Variants in MCMBP observed in about 807,000 individuals in gnomAD.
The protein encoded by MCMBP is minichromosome maintenance complex binding protein, also known as mini-chromosome maintenance complex-binding protein.
MCMBP carries 31 observed loss-of-function variants against 81.3 expected under a neutral mutation model. The observed-to-expected ratio is 0.38, with a 90% CI of 0.29 to 0.51. The LOEUF (loss-of-function observed/expected upper bound fraction) is 0.51. Ranked by LOEUF, MCMBP falls within the 20% of genes least tolerant of loss-of-function variation. The pLI, the probability that MCMBP is intolerant of heterozygous loss-of-function variation, is 0.87. For synonymous variants in MCMBP, 267 were observed against 275.9 expected, an observed-to-expected ratio of 0.97 and a Z score of 0.32; for missense variants, 645 against 772.1, an observed-to-expected ratio of 0.84 and a Z score of 1.95.
chr10:119,831,600 C>G lies in MCMBP; in HGVS notation c.1797G>C (p.Arg599=), dbSNP rs777318946. ...TCTGACCAGCACTGAGAGACAGACACCTGGTTTGAAACACAGAAACAAATT... is the reference window on the plus strand; with the variant it reads ...TCTGACCAGCACTGAGAGACAGACAGCTGGTTTGAAACACAGAAACAAATT... The part of the protein sequence containing the change: ...DDLHQLLVVA[R]CLSLSAGQTT... Residue 599 remains arginine, a splice_region_variant and synonymous_variant, in exon 16 of 16, where the codon CGG becomes CGC. Transcript: ENST00000369077. 1.9e-6 allele frequency: 3 copies of G among 1,611,020 alleles called. No individual in the cohort carries two copies. Among genetic ancestry groups the G allele is most frequent in the Admixed American group, 1.7e-5 (1 of 59,128 alleles).
chr10:119,837,735 G>A (rs767389547), intron 12 of MCMBP, among the ~76,000 whole-genome samples: 2 of 152,028 alleles, frequency 1.3e-5, no homozygotes, highest in African/African-American at 2.4e-5. Context: ...AGTGAGCCAA[G>A]ATTGGCCACT....
In MCMBP at chr10:119,857,363, G is replaced by C; in HGVS notation, c.404C>G (p.Pro135Arg). The C allele has an allele frequency of 6.2e-7, 1 of 1,609,830 alleles. No individual in the cohort carries two copies. The highest frequency in any genetic ancestry group is 8.5e-7 in the Non-Finnish European group (1 of 1,177,050). The change falls in exon 5 of 16, where the codon CCT (proline) becomes CGT (arginine). Residue 135 changes from proline (P) to arginine (R), a missense_variant. Transcript: ENST00000369077. ...ERQTFYCVPV[P>R]GESTWVKEAY... is the part of the protein sequence containing the mutation. ...TTCTTTTACCCACGTAGATTCCCCA[G>C]GCACCGGAACACAATAGAAAGTCTG...
chr10:119,838,503 C>T lies in MCMBP; in HGVS notation c.1408+32G>A, dbSNP rs527878655. 3.0e-5 allele frequency: 48 copies of T among 1,588,466 alleles called. No individual in the cohort carries two copies. The South Asian group carries it at 5.1e-4, about 17-fold the overall frequency. On this transcript the variant is annotated intron_variant, in intron 12 of 15. Coordinates refer to ENST00000369077, the MANE Select transcript of MCMBP (RefSeq NM_001256378.2). Reference sequence around the variant, plus strand: ...GATCTGGCTTTAGTGCGAAGGAAGTCAGAAATGGAAGAGAAACATCTATGT... The same window carrying T: ...GATCTGGCTTTAGTGCGAAGGAAGTTAGAAATGGAAGAGAAACATCTATGT...
intron 11 of MCMBP, among the ~76,000 whole-genome samples, chr10:119,839,346 T>G (rs1265635725): frequency 6.6e-6 from 1 of 152,164 alleles, no homozygotes; most frequent in African/African-American, 2.4e-5. Context: ...CAATCCATTC[T>G]TCCATCCCTC....
chr10:119,863,710 CAG>C (rs1853344546), intron 1 of MCMBP, among the ~76,000 whole-genome samples: 1 of 112,488 alleles, frequency 8.9e-6, no homozygotes, highest in African/African-American at 3.6e-5. Flanking sequence ...GCCTGGGAGA[CAG>C]AGTGAGGCTC....
At position 119,831,228 on chromosome 10, in the gene MCMBP, T is replaced by C. The variant is rs1852021306; in HGVS notation, c.*246A>G. The C allele has an allele frequency of 4.1e-6, 1 of 246,004 alleles. No individual in the cohort carries two copies. The highest frequency in any genetic ancestry group is 7.6e-6 in the Non-Finnish European group (1 of 130,760). The allele number at this position is 246,004 out of a possible 1,614,324, so 15.2% of individuals were successfully genotyped here. A position where few individuals can be genotyped will look rare whatever the true frequency, so the allele number is the denominator to read the frequency against. ...ATATTAAACTTTTAATATCAAATACTTTTTTTACATCATTACTAATTTATA... is the reference window on the plus strand; with the variant it reads ...ATATTAAACTTTTAATATCAAATACCTTTTTTACATCATTACTAATTTATA... On this transcript the variant is annotated 3_prime_UTR_variant, in exon 16 of 16. Coordinates refer to ENST00000369077, the MANE Select transcript of MCMBP (RefSeq NM_001256378.2).
intron 7 of MCMBP, among the ~76,000 whole-genome samples, chr10:119,848,074 A>G (rs886875073): frequency 5.9e-5 from 9 of 152,170 alleles, no homozygotes; most frequent in Admixed American, 3.9e-4. Context: ...AAAGGAAAAA[A>G]CAAAAACAAG....
chr10:119,851,243 TA>T, intron 6 of MCMBP, among the ~76,000 whole-genome samples: 1 of 152,230 alleles, frequency 6.6e-6, no homozygotes, highest in South Asian at 2.1e-4. Context: ...ATGTATAGCC[TA>T]AAACATTGAC....
chr10:119,849,379 GA>G (rs1852729194), intron 7 of MCMBP, 45 bp downstream of exon 7: 1 of 1,573,266 alleles, frequency 6.4e-7, no homozygotes, highest in African/African-American at 1.4e-5. Flanking sequence ...GCTACTTTCT[GA>G]GACACATAAC....
intron 6 of MCMBP, 104 bp downstream of exon 6, chr10:119,852,946 T>C: frequency 2.2e-6 from 3 of 1,358,418 alleles, no homozygotes; most frequent in South Asian, 1.4e-5. Context: ...CTCTGATAAA[T>C]TGCCAGCTCC....
At chr10:119,865,394 C>A (rs1361486390) in intron 1 of MCMBP, among the ~76,000 whole-genome samples, 4 of 151,974 alleles carry the variant, frequency 2.6e-5, no homozygotes, top group Non-Finnish European at 5.9e-5. Flanking sequence ...TAGTTTGAGA[C>A]CAGCCTGGCC....
intron 7 of MCMBP, among the ~76,000 whole-genome samples, chr10:119,848,119 A>G (rs1263389780): frequency 6.6e-6 from 1 of 152,074 alleles, no homozygotes; most frequent in African/African-American, 2.4e-5. Flanking sequence ...AAACTGCAAC[A>G]TCGGATTAAC....
chr10:119,839,310 C>A (rs565213121), intron 11 of MCMBP, among the ~76,000 whole-genome samples: 18 of 152,334 alleles, frequency 1.2e-4, no homozygotes, highest in African/African-American at 3.8e-4. Context: ...CCATTCCCAA[C>A]ACCCTCTGTG....
In MCMBP at chr10:119,842,563, C is replaced by G. The variant is rs776573113; in HGVS notation, c.1033G>C (p.Val345Leu). 6.2e-7 allele frequency: 1 copy of G among 1,613,750 alleles called. No individual in the cohort carries two copies. The highest frequency in any genetic ancestry group is 8.5e-7 in the Non-Finnish European group (1 of 1,179,816). The stretch of plus-strand genomic sequence containing the variant: ...AGGAACCCAAGAAGTTCTGCTCTGA[C>G]TGGAGACAATTCGGACATGAAACTT... ...VSSFMSELSPVRAELLGFLTH... is the reference protein window; with the variant it reads ...VSSFMSELSPLRAELLGFLTH... Residue 345 changes from valine to leucine, a missense_variant, in exon 10 of 16, where the codon GTC (valine) becomes CTC (leucine). Transcript: ENST00000369077.
chr10:119,863,900 T>G (rs1424588373), intron 1 of MCMBP, among the ~76,000 whole-genome samples: 1 of 151,788 alleles, frequency 6.6e-6, no homozygotes, highest in Non-Finnish European at 1.5e-5. Flanking sequence ...AATGACCCCC[T>G]CCCACCCAAC....
intron 15 of MCMBP, 121 bp from the exon 16 acceptor site, chr10:119,831,721 G>A: frequency 8.6e-7 from 1 of 1,162,852 alleles, no homozygotes; most frequent in Admixed American, 2.8e-5. Flanking sequence ...AGACCGTATG[G>A]TAGTTACACA....
chr10:119,863,256 T>A (rs1182679637), intron 1 of MCMBP, among the ~76,000 whole-genome samples: 1 of 152,198 alleles, frequency 6.6e-6, no homozygotes, highest in Non-Finnish European at 1.5e-5. Flanking sequence ...ATCTGTTTTC[T>A]TCTAAAAGTT....
intron 5 of MCMBP, 23 bp from the exon 6 acceptor site, chr10:119,853,217 G>T (rs1237194197): frequency 6.2e-7 from 1 of 1,608,480 alleles, no homozygotes; most frequent in African/African-American, 1.3e-5. Flanking sequence ...GTTAAGAAAA[G>T]ACTATCATAA....
At chr10:119,869,330 T>C (rs185589819) in intron 1 of MCMBP, among the ~76,000 whole-genome samples, 298 of 152,212 alleles carry the variant, frequency 2.0e-3, no homozygotes, top group African/African-American at 6.7e-3. Context: ...TCCCAGCACT[T>C]TGGGAGGCCA....
Sources: gnomAD v4.1 joint callset for allele counts (sites outside exome capture counted in the v4.1 genomes callset) on GRCh38, gnomAD v4.1.1 for gene constraint, MANE v1.5 for transcripts, NCBI Gene and HGNC (gene_info 2026-07-23, HGNC 2026-07-21) for gene names.